Variants in ONECUT2 observed in about 807,000 individuals in gnomAD.
ONECUT2 encodes the protein one cut domain family member 2.
ONECUT2 carries 10 observed loss-of-function variants against 27.9 expected under a neutral mutation model. The observed-to-expected ratio is 0.36, with a 90% CI of 0.22 to 0.61. The LOEUF is 0.61. Ranked by LOEUF, ONECUT2 falls within the 20% of genes least tolerant of loss-of-function variation. The pLI is 0.73. For synonymous variants in ONECUT2, 334 were observed against 315.1 expected (o/e 1.06, Z -0.64); for missense variants, 686 against 721.0 (o/e 0.95, Z 0.56).
chr18:57,440,520 G>A (rs1029919092), intron 1 of ONECUT2, among the ~76,000 whole-genome samples: 19 of 152,210 alleles, frequency 1.2e-4, no homozygotes, highest in Non-Finnish European at 2.4e-4. Context: ...GTAGTCCGAC[G>A]CACGGCCCTC....
chr18:57,441,078 C>T (rs2050171640), intron 1 of ONECUT2, among the ~76,000 whole-genome samples: 1 of 152,178 alleles, frequency 6.6e-6, no homozygotes, highest in African/African-American at 2.4e-5. Flanking sequence ...AGAGTGAACC[C>T]GAGCAGGAGA....
intron 1 of ONECUT2, among the ~76,000 whole-genome samples, chr18:57,468,814 C>G (rs773959123): frequency 1.3e-5 from 2 of 152,180 alleles, no homozygotes; most frequent in South Asian, 2.1e-4. Context: ...GCAGAGTGTA[C>G]AGTTATTCTA....
rs754106227 is a variant in ONECUT2 at position 57,436,738 on chromosome 18, G to A, written c.1022G>A (p.Arg341His). 2.4e-5 allele frequency: 38 copies of A among 1,613,824 alleles called. No individual in the cohort carries two copies. Among genetic ancestry groups the A allele is most frequent in the East Asian group, 2.2e-5 (1 of 44,892 alleles). Residue 341 changes from arginine to histidine, a missense_variant, in exon 1 of 2, where the codon CGC (arginine) becomes CAC (histidine). This residue lies in a region of ONECUT2 where 47 missense variants were observed against 86.0 expected (regional missense o/e 0.55). Coordinates refer to ENST00000491143, the MANE Select transcript of ONECUT2 (RefSeq NM_004852.3). This position sits in a 1 kb window ranked among gnomAD's most constrained non-coding sequence, Gnocchi z 5.9. Reference sequence around the variant, plus strand: ...ATCAACACCAAAGAGGTGGCCCAGCGCATCACAGCGGAGCTGAAGCGCTAC... The same window carrying A: ...ATCAACACCAAAGAGGTGGCCCAGCACATCACAGCGGAGCTGAAGCGCTAC... ...EEINTKEVAQ[R>H]ITAELKRYSI...
rs533709412 is a variant in ONECUT2 at position 57,459,570 on chromosome 18, T to C, written c.1229-16867T>C. On this transcript the variant is annotated intron_variant, in intron 1 of 1. Coordinates refer to ENST00000491143, the MANE Select transcript of ONECUT2 (RefSeq NM_004852.3). The stretch of plus-strand genomic sequence containing the variant: ...AATTCATCTTTTTTATTATTTATTT[T>C]TTATGAGACAGAGTTTCACTCTTGT... Among the ~76,000 whole-genome samples, 50 of 152,358 alleles carry C rather than the reference T, an allele frequency of 3.3e-4. 1 individual carries two copies. In the South Asian group the frequency reaches 0.01, roughly 31 times the overall value.
In ONECUT2 at chr18:57,490,755, G is replaced by A. The variant is rs1256521186; in HGVS notation, c.*14032G>A. The stretch of plus-strand genomic sequence containing the variant: ...CTTGTTTTATTTTCTTGCTTTCACG[G>A]GTATTATTGCCAAGAAAATCGTAGG... On this transcript the variant is annotated 3_prime_UTR_variant, in exon 2 of 2. Coordinates refer to ENST00000491143, the MANE Select transcript of ONECUT2 (RefSeq NM_004852.3). The A allele has an allele frequency of 6.6e-6, 1 of 152,050 alleles. No homozygotes were observed. Among genetic ancestry groups the A allele is most frequent in the East Asian group, 1.9e-4 (1 of 5,184 alleles). 9.4% of individuals were successfully genotyped at this position (152,050 alleles called of 1,614,324 possible).
chr18:57,436,713 A>G lies in ONECUT2; in HGVS notation c.997A>G (p.Ile333Val), dbSNP rs1208856509. The change falls in exon 1 of 2, where the codon ATC (isoleucine) becomes GTC (valine). Residue 333 changes from isoleucine to valine, a missense_variant. Coordinates refer to ENST00000491143, the MANE Select transcript of ONECUT2 (RefSeq NM_004852.3). This position sits in a 1 kb window ranked among gnomAD's most constrained non-coding sequence, Gnocchi z 5.9. The stretch of plus-strand genomic sequence containing the variant: ...GGCCACGTCGGGCCAGCTGGAAGAA[A>G]TCAACACCAAAGAGGTGGCCCAGCG... ...QVATSGQLEE[I>V]NTKEVAQRIT... 8 of 1,613,676 alleles carry G rather than the reference A, an allele frequency of 5.0e-6. No individual in the cohort carries two copies. Among genetic ancestry groups the G allele is most frequent in the Non-Finnish European group, 1.7e-6 (2 of 1,180,030 alleles).
intron 1 of ONECUT2, chr18:57,467,099 C>G: frequency 2.2e-6 from 1 of 449,870 alleles, no homozygotes; most frequent in Non-Finnish European, 4.5e-6. Flanking sequence ...CCTGAGTCCC[C>G]TTCAGTGACT....
chr18:57,455,054 AT>A (rs1034098106), intron 1 of ONECUT2, among the ~76,000 whole-genome samples: 3 of 152,210 alleles, frequency 2.0e-5, no homozygotes, highest in Admixed American at 2.0e-4. Context: ...TCAGAAAGTT[AT>A]TTTTATAGAC....
rs76508981 is a variant in ONECUT2 at position 57,456,583 on chromosome 18, G to A, written c.1228+19639G>A. ...GAAAGTACAATGGTGCTTGCCAGGT[G>A]CCTGAGAGAGGGAAATGGAAACTTG... On this transcript the variant is annotated intron_variant, in intron 1 of 1. Coordinates refer to ENST00000491143, the MANE Select transcript of ONECUT2 (RefSeq NM_004852.3). 2.8e-3 allele frequency among the ~76,000 whole-genome samples: 428 copies of A among 152,294 alleles called. 8 individuals carry two copies. In the East Asian group the frequency reaches 0.068, roughly 24 times the overall value.
chr18:57,445,394 G>A (rs2050196108), intron 1 of ONECUT2, among the ~76,000 whole-genome samples: 1 of 152,208 alleles, frequency 6.6e-6, no homozygotes, highest in African/African-American at 2.4e-5. Context: ...CCTCTTGCTT[G>A]TAGATATGAA....
rs1433463973 is a variant in ONECUT2 at position 57,480,963 on chromosome 18, C to T, written c.*4240C>T. ...CAGGAAAAGGTACAGTGTGAAGGAA[C>T]AGTTCTCAGCCAAATTTCACATTCT... On this transcript the variant is annotated 3_prime_UTR_variant, in exon 2 of 2. Transcript: ENST00000491143. 2.6e-5 allele frequency: 4 copies of T among 152,184 alleles called. No individual in the cohort carries two copies. The highest frequency in any genetic ancestry group is 4.4e-5 in the Non-Finnish European group (3 of 68,036). The allele number at this position is 152,184 out of a possible 1,614,324, so 9.4% of individuals were successfully genotyped here. A position where few individuals can be genotyped will look rare whatever the true frequency, so the allele number is the denominator to read the frequency against.
At chr18:57,445,408 G>A (rs772363189) in intron 1 of ONECUT2, among the ~76,000 whole-genome samples, 3 of 152,190 alleles carry the variant, frequency 2.0e-5, no homozygotes, top group Non-Finnish European at 2.9e-5. Flanking sequence ...ATATGAAAAT[G>A]TAAGTCTCAT....
chr18:57,456,031 T>G (rs2050257438), intron 1 of ONECUT2, among the ~76,000 whole-genome samples: 1 of 152,236 alleles, frequency 6.6e-6, no homozygotes, highest in Non-Finnish European at 1.5e-5. Flanking sequence ...GAAAGTTTAT[T>G]TGACCTCATT....
intron 1 of ONECUT2, among the ~76,000 whole-genome samples, chr18:57,447,388 T>C (rs1160868302): frequency 5.9e-5 from 9 of 152,216 alleles, no homozygotes; most frequent in Non-Finnish European, 1.3e-4. Context: ...TCCAGCTCTG[T>C]AGGTCTCAGC....
chr18:57,476,479 A>G lies in ONECUT2; in HGVS notation c.1271A>G (p.Asn424Ser), dbSNP rs776233528. Residue 424 changes from asparagine (N) to serine (S), a missense_variant, in exon 2 of 2, where the codon AAT (asparagine) becomes AGT (serine). This residue lies in a region of ONECUT2 where 51 missense variants were observed against 41.3 expected (regional missense o/e 1.23). Coordinates refer to ENST00000491143, the MANE Select transcript of ONECUT2 (RefSeq NM_004852.3). Reference protein sequence around the residue: ...KEQEPNKDRNNSQKKSRLVFT... With the variant: ...KEQEPNKDRNSSQKKSRLVFT... Reference sequence around the variant, plus strand: ...CAAGAACCAAACAAAGACAGGAACAATTCCCAGAAGAAGTCCCGCCTGGTG... The same window carrying G: ...CAAGAACCAAACAAAGACAGGAACAGTTCCCAGAAGAAGTCCCGCCTGGTG... The G allele has an allele frequency of 8.1e-6, 13 of 1,614,128 alleles. No individual in the cohort carries two copies. Among genetic ancestry groups the G allele is most frequent in the Non-Finnish European group, 1.1e-5 (13 of 1,180,044 alleles).
Position 57,481,306 on chromosome 18 carries a change from A to T in ONECUT2, c.*4583A>T, listed in dbSNP as rs1311242470. ...AGGAAGCATGGCACTTCCTCTGGAGAAATCCAGAAAGAGTTGCTTCTAAGC... is the reference window on the plus strand; with the variant it reads ...AGGAAGCATGGCACTTCCTCTGGAGTAATCCAGAAAGAGTTGCTTCTAAGC... On this transcript the variant is annotated 3_prime_UTR_variant, in exon 2 of 2. Transcript: ENST00000491143. 6.6e-6 allele frequency: 1 copy of T among 152,216 alleles called. No individual in the cohort carries two copies. Among genetic ancestry groups the T allele is most frequent in the Non-Finnish European group, 1.5e-5 (1 of 68,036 alleles). 9.4% of individuals were successfully genotyped at this position (152,216 alleles called of 1,614,324 possible).
intron 1 of ONECUT2, among the ~76,000 whole-genome samples, chr18:57,448,349 C>T (rs540417787): frequency 6.6e-6 from 1 of 152,208 alleles, no homozygotes; most frequent in South Asian, 2.1e-4. Flanking sequence ...AATTTATCTT[C>T]AAGTTCCAGG....
chr18:57,435,980 C>T lies in ONECUT2; in HGVS notation c.264C>T (p.His88=), dbSNP rs2050137560. The change falls in exon 1 of 2, where the codon CAC becomes CAT. Residue 88 remains histidine (H), a synonymous_variant. Coordinates refer to ENST00000491143, the MANE Select transcript of ONECUT2 (RefSeq NM_004852.3). ...GCCCTCCGCCGCCTCCAACCGCGCA[C>T]CAGGAGCTGGGCACGGCGGCAGCGG... ...LRGPPPPPTA[H]QELGTAAAAA... 1.4e-6 allele frequency: 2 copies of T among 1,464,506 alleles called. No homozygotes were observed. Among genetic ancestry groups the T allele is most frequent in the South Asian group, 1.4e-5 (1 of 72,418 alleles). 90.7% of individuals were successfully genotyped at this position (1,464,506 alleles called of 1,614,324 possible). A position where few individuals can be genotyped will look rare whatever the true frequency, so the allele number is the denominator to read the frequency against.
At chr18:57,465,844 C>T (rs1483496833) in intron 1 of ONECUT2, among the ~76,000 whole-genome samples, 2 of 152,208 alleles carry the variant, frequency 1.3e-5, no homozygotes, top group Admixed American at 1.3e-4. Flanking sequence ...CCAGTTGATA[C>T]ACCTAACCAA....
Sources: allele counts gnomAD v4.1 joint callset (sites outside exome capture counted in the v4.1 genomes callset), GRCh38; gene constraint gnomAD v4.1.1; regional missense constraint gnomAD v4.1.1; non-coding constraint Gnocchi (gnomAD v3.1); transcripts MANE v1.5; gene names NCBI Gene and HGNC (gene_info 2026-07-23, HGNC 2026-07-21).